Variants in KIAA0319L observed in about 807,000 individuals in gnomAD.
The protein encoded by KIAA0319L is dyslexia-associated protein KIAA0319-like protein.
Under a neutral mutation model 120.1 loss-of-function variants are expected in KIAA0319L, and 55 were observed. The ratio of observed to expected loss-of-function variants is 0.46; its 90% CI spans 0.37 to 0.57. The LOEUF (loss-of-function observed/expected upper bound fraction) is 0.57, where lower values mean the gene tolerates loss of function less well. Ranked by LOEUF, KIAA0319L falls within the 20% of genes least tolerant of loss-of-function variation. The pLI is 0.00. For synonymous variants in KIAA0319L, 398 were observed against 471.9 expected, an observed-to-expected ratio of 0.84 and a Z score of 2.03; for missense variants, 1,049 against 1,255.3, an observed-to-expected ratio of 0.84 and a Z score of 2.48.
At chr1:35,485,847 T>C (rs1029794491) in intron 3 of KIAA0319L, among the ~76,000 whole-genome samples, 4 of 152,126 alleles carry the variant, frequency 2.6e-5, no homozygotes, top group Non-Finnish European at 5.9e-5. Context: ...CTATGTTGAG[T>C]TCCAGGCTGG....
chr1:35,436,936 A>C lies in KIAA0319L; in HGVS notation c.2963-1855T>G, dbSNP rs1640838710. On this transcript the variant is annotated intron_variant, in intron 20 of 20. Transcript: ENST00000325722. The stretch of plus-strand genomic sequence containing the variant: ...CATACCTGACACCATATGGTCTTGA[A>C]TCTCATTCTCCTCGTCCTCCTAGTG... 2.0e-5 allele frequency among the ~76,000 whole-genome samples: 3 copies of C among 152,090 alleles called. No individual in the cohort carries two copies. The South Asian group carries it at 6.2e-4, about 31-fold the overall frequency.
intron 15 of KIAA0319L, 105 bp from the exon 16 acceptor site, chr1:35,448,437 C>T (rs2149085233): frequency 5.7e-6 from 6 of 1,061,078 alleles, no homozygotes; most frequent in Non-Finnish European, 8.4e-6. Context: ...TGAGAACATT[C>T]AGATATCCTT....
In KIAA0319L at chr1:35,506,320, A is replaced by ACCTGT. The variant is rs1645201788; in HGVS notation, c.666+291_666+292insACAGG. 6.6e-6 allele frequency among the ~76,000 whole-genome samples: 1 copy of ACCTGT among 152,248 alleles called. No individual in the cohort carries two copies. The highest frequency in any genetic ancestry group is 1.5e-5 in the Non-Finnish European group (1 of 68,042). ...TACTGCAGAATGGTTGGTGAATACT[A>ACCTGT]ACAGCCATACAACTGTACTTACCTG... On this transcript the variant is annotated intron_variant, in intron 3 of 20. Coordinates refer to ENST00000325722, the MANE Select transcript of KIAA0319L (RefSeq NM_024874.5). The surrounding 1 kb of genome is among the most constrained non-coding windows in gnomAD (Gnocchi z 4.0).
At chr1:35,461,455 A>C (rs1330319841) in intron 8 of KIAA0319L, among the ~76,000 whole-genome samples, 1 of 152,184 alleles carries the variant, frequency 6.6e-6, no homozygotes, top group Non-Finnish European at 1.5e-5. Flanking sequence ...AAGAAGAGCG[A>C]AACTCTGTCT....
At chr1:35,483,837 T>C (rs566676530) in intron 3 of KIAA0319L, among the ~76,000 whole-genome samples, 1 of 152,340 alleles carries the variant, frequency 6.6e-6, no homozygotes, top group East Asian at 1.9e-4. Flanking sequence ...AATCAAGGTG[T>C]TGGCAGGGCC....
intron 6 of KIAA0319L, among the ~76,000 whole-genome samples, chr1:35,467,536 T>C (rs1643350648): frequency 6.6e-6 from 1 of 152,174 alleles, no homozygotes; most frequent in Admixed American, 6.5e-5. Context: ...AGGCTTGTAG[T>C]TTGGATACGA....
chr1:35,551,649 T>TA lies in KIAA0319L; in HGVS notation c.142+2700_142+2701insT, dbSNP rs11387123. 1.3e-3 allele frequency among the ~76,000 whole-genome samples: 204 copies of TA among 151,938 alleles called. 3 individuals are homozygous for TA. Among genetic ancestry groups the TA allele is most frequent in the African/African-American group, 4.5e-3 (185 of 41,330 alleles). On this transcript the variant is annotated intron_variant, in intron 2 of 20. Transcript: ENST00000325722. ...TATTTTTTCTATTAGGATATTCCTTTTAAAAAAAAAATGGGAAGGAGCTCC... is the reference window on the plus strand; with the variant it reads ...TATTTTTTCTATTAGGATATTCCTTTATAAAAAAAAAATGGGAAGGAGCTCC...
intron 2 of KIAA0319L, among the ~76,000 whole-genome samples, chr1:35,546,368 A>C (rs1367046448): frequency 6.6e-6 from 1 of 152,240 alleles, no homozygotes; most frequent in Non-Finnish European, 1.5e-5. Context: ...AGAGATGTTA[A>C]GTAAGGTAAG....
At chr1:35,499,004 G>A (rs1445812474) in intron 3 of KIAA0319L, among the ~76,000 whole-genome samples, 2 of 152,162 alleles carry the variant, frequency 1.3e-5, no homozygotes, top group Non-Finnish European at 2.9e-5. Context: ...AGCAACTAAA[G>A]CTGAGACTGG....
chr1:35,502,584 C>A (rs1645050936), intron 3 of KIAA0319L, among the ~76,000 whole-genome samples: 1 of 152,126 alleles, frequency 6.6e-6, no homozygotes, highest in Non-Finnish European at 1.5e-5. Context: ...TCTACCCCAG[C>A]AACCCTCTTC....
Position 35,449,949 on chromosome 1 carries a change from C to A in KIAA0319L, c.2271G>T (p.Glu757Asp). 6.2e-7 allele frequency: 1 copy of A among 1,614,144 alleles called. No individual in the cohort carries two copies. Among genetic ancestry groups the A allele is most frequent in the Non-Finnish European group, 8.5e-7 (1 of 1,180,012 alleles). The part of the protein sequence containing the change: ...HPILFLSNLV[E>D]GTYTFHLKVT... Reference sequence around the variant, plus strand: ...CTTTCAGGTGAAAAGTGTAGGTTCCCTCAACCAGGTTTGAAAGAAAAAGGA... The same window carrying A: ...CTTTCAGGTGAAAAGTGTAGGTTCCATCAACCAGGTTTGAAAGAAAAAGGA... Residue 757 changes from glutamate to aspartate, a missense_variant, in exon 15 of 21, where the codon GAG becomes GAT. Transcript: ENST00000325722.
chr1:35,521,638 A>AAAT (rs1013546652), intron 2 of KIAA0319L, among the ~76,000 whole-genome samples: 1 of 149,304 alleles, frequency 6.7e-6, no homozygotes, highest in African/African-American at 2.5e-5. Flanking sequence ...CGTCTCAAAA[A>AAAT]AATAATAATA....
At chr1:35,547,696 A>T (rs1647035656) in intron 2 of KIAA0319L, among the ~76,000 whole-genome samples, 1 of 152,242 alleles carries the variant, frequency 6.6e-6, no homozygotes, top group Admixed American at 6.5e-5. Flanking sequence ...AAATCCATAG[A>T]GTCAGAAAGC....
At chr1:35,493,782 C>T (rs1301963743) in intron 3 of KIAA0319L, among the ~76,000 whole-genome samples, 1 of 151,816 alleles carries the variant, frequency 6.6e-6, no homozygotes, top group Non-Finnish European at 1.5e-5. Flanking sequence ...GAGGTCATGG[C>T]TGCAGAGAGC....
In KIAA0319L at chr1:35,460,414, C is replaced by G; in HGVS notation, c.1318G>C (p.Val440Leu). 1 of 1,613,056 alleles carries G rather than the reference C, an allele frequency of 6.2e-7. No homozygotes were observed. Among genetic ancestry groups the G allele is most frequent in the South Asian group, 1.1e-5 (1 of 91,004 alleles). The change falls in exon 9 of 21, where the codon GTT becomes CTT. Residue 440 changes from valine (V) to leucine (L), a missense_variant. By Grantham distance (32) the Val-to-Leu change is conservative. Transcript: ENST00000325722. The stretch of plus-strand genomic sequence containing the variant: ...TTAAGTTCTTCCCAATGGTACTGAA[C>G]GATTTTATCATCATCAGTGCTTTCT... ...GSQSTDDDKI[V>L]QYHWEELKGP... is the part of the protein sequence containing the mutation.
chr1:35,490,476 A>G (rs551707956), intron 3 of KIAA0319L, among the ~76,000 whole-genome samples: 1 of 152,356 alleles, frequency 6.6e-6, no homozygotes, highest in Non-Finnish European at 1.5e-5. Context: ...TTTAATCTGA[A>G]ATAACCAGAC....
intron 17 of KIAA0319L, 189 bp downstream of exon 17, chr1:35,443,972 G>A: frequency 4.4e-6 from 2 of 459,536 alleles, no homozygotes; most frequent in Non-Finnish European, 7.4e-6. Context: ...CGATCTCAGG[G>A]GCCCATGGGC....
chr1:35,513,155 C>T (rs930652728), intron 2 of KIAA0319L, among the ~76,000 whole-genome samples: 1 of 149,838 alleles, frequency 6.7e-6, no homozygotes, highest in African/African-American at 2.4e-5. Flanking sequence ...AGAGAATGTA[C>T]CTTTGTTTGA....
At chr1:35,463,004 G>A (rs1387332744) in intron 7 of KIAA0319L, among the ~76,000 whole-genome samples, 1 of 152,118 alleles carries the variant, frequency 6.6e-6, no homozygotes, top group Non-Finnish European at 1.5e-5. Context: ...TTCACAATAA[G>A]GTTCATCCTC....
Sources: allele counts gnomAD v4.1 joint callset (sites outside exome capture counted in the v4.1 genomes callset), GRCh38; gene constraint gnomAD v4.1.1; non-coding constraint Gnocchi (gnomAD v3.1); transcripts MANE v1.5; gene names NCBI Gene and HGNC (gene_info 2026-07-23, HGNC 2026-07-21).